CSTF3: variants seen among roughly 807,000 people sequenced by gnomAD.
CSTF3 encodes CF-1 77 kDa subunit.
Under a neutral mutation model 105.8 loss-of-function variants are expected in CSTF3, and 29 were observed. The ratio of observed to expected loss-of-function variants is 0.27; its 90% confidence interval spans 0.20 to 0.37. The LOEUF (loss-of-function observed/expected upper bound fraction) is 0.37. CSTF3 is among the 10% of genes least tolerant of loss of function. CSTF3 has a pLI of 1.00. For missense variants in CSTF3, 357 were observed against 879.3 expected, an observed-to-expected ratio of 0.41 and a Z score of 7.51; for synonymous variants, 252 against 281.9, an observed-to-expected ratio of 0.89 and a Z score of 1.06.
intron 1 of CSTF3, among the ~76,000 whole-genome samples, chr11:33,157,051 T>TA (rs145010861): frequency 0.017 from 2,563 of 151,002 alleles, 82 homozygotes; most frequent in African/African-American, 0.059. Flanking sequence ...AATCAGGCAT[T>TA]AAAAAAAACA....
chr11:33,155,074 G>C (rs1170503690), intron 1 of CSTF3, among the ~76,000 whole-genome samples: 3 of 151,878 alleles, frequency 2.0e-5, no homozygotes, highest in Non-Finnish European at 4.4e-5. Flanking sequence ...AAAAGATCTT[G>C]GGCCGGGCAT....
At chr11:33,127,622 T>C (rs1855556678) in intron 3 of CSTF3, among the ~76,000 whole-genome samples, 1 of 152,140 alleles carries the variant, frequency 6.6e-6, no homozygotes, top group Admixed American at 6.5e-5. Flanking sequence ...CTGCCAACGT[T>C]TTTGAGTTTT....
At chr11:33,103,396 T>C (rs902310304) in intron 8 of CSTF3, among the ~76,000 whole-genome samples, 1 of 152,214 alleles carries the variant, frequency 6.6e-6, no homozygotes, top group Non-Finnish European at 1.5e-5. Flanking sequence ...TTATGTCTTA[T>C]GAGCTGGCAG....
chr11:33,103,483 G>GA lies in CSTF3; in HGVS notation c.586-300dup, dbSNP rs199637917. ...CAATAATTTCATATAAGATTCTACT[G>GA]AAAAAAAAATGACATGGCTCATGCC... On this transcript the variant is annotated intron_variant, in intron 8 of 20. Transcript: ENST00000323959. 6.9e-3 allele frequency among the ~76,000 whole-genome samples: 1,032 copies of GA among 150,604 alleles called. 6 individuals are homozygous for GA. Among genetic ancestry groups the GA allele is most frequent in the Non-Finnish European group, 0.012 (828 of 67,556 alleles).
At chr11:33,141,387 T>TA in intron 3 of CSTF3, 1 of 1,143,820 alleles carries the variant, frequency 8.7e-7, no homozygotes, top group Non-Finnish European at 1.1e-6. Flanking sequence ...CAGGAGGCAA[T>TA]AAATTGACAC....
chr11:33,088,682 G>A (rs879277721), intron 17 of CSTF3, among the ~76,000 whole-genome samples: 2 of 151,886 alleles, frequency 1.3e-5, no homozygotes, highest in Non-Finnish European at 2.9e-5. Context: ...GCTTGATCAC[G>A]GCTCACTAAA....
rs541991069 is a variant in CSTF3 at position 33,125,591 on chromosome 11, C to T, written c.225+16076G>A. ...CCCCATTCTGCTCTACTCAGACGGA[C>T]GCAACTTTTCTCAGTCCCTTACAGG... On this transcript the variant is annotated intron_variant, in intron 3 of 20. Transcript: ENST00000323959. Among the ~76,000 whole-genome samples, 19 of 152,240 alleles carry T rather than the reference C, an allele frequency of 1.2e-4. No homozygotes were observed. The Middle Eastern group carries it at 0.01, about 82-fold the overall frequency.
chr11:33,152,014 T>C (rs1849789463), intron 1 of CSTF3, among the ~76,000 whole-genome samples: 2 of 152,190 alleles, frequency 1.3e-5, no homozygotes, highest in African/African-American at 4.8e-5. Flanking sequence ...TCTGTTCAAA[T>C]ATTTTGCCCA....
At chr11:33,129,235 G>T (rs1855574019) in intron 3 of CSTF3, among the ~76,000 whole-genome samples, 1 of 152,074 alleles carries the variant, frequency 6.6e-6, no homozygotes. Flanking sequence ...GGGGTTACAG[G>T]TGCACACCAC....
intron 16 of CSTF3, among the ~76,000 whole-genome samples, chr11:33,091,448 T>TA (rs1454243314): frequency 1.2e-4 from 18 of 152,304 alleles, no homozygotes; most frequent in Admixed American, 3.9e-4. Flanking sequence ...TGAAGATTGG[T>TA]ATAGCTATGA....
chr11:33,099,568 C>T lies in CSTF3; in HGVS notation c.936+40G>A, dbSNP rs1250512290. On this transcript the variant is annotated intron_variant, in intron 11 of 20. Coordinates refer to ENST00000323959, the MANE Select transcript of CSTF3 (RefSeq NM_001326.3). This position sits in a 1 kb window ranked among gnomAD's most constrained non-coding sequence, Gnocchi z 4.1. ...CAGTAAATAATTGCTATATCAAAAC[C>T]ACAAAAATATCAAAGTGGGGATAGG... 7.4e-7 allele frequency: 1 copy of T among 1,353,454 alleles called. No homozygotes were observed. The highest frequency in any genetic ancestry group is 1.0e-6 in the Non-Finnish European group (1 of 965,312). The allele number at this position is 1,353,454 out of a possible 1,614,324, so 83.8% of individuals were successfully genotyped here.
chr11:33,134,396 C>T (rs1855631669), intron 3 of CSTF3: 1 of 152,074 alleles, frequency 6.6e-6, no homozygotes, highest in Non-Finnish European at 1.5e-5. Flanking sequence ...ACCCCAAATA[C>T]GGGAAGCACA....
intron 1 of CSTF3, chr11:33,156,811 G>A: frequency 2.6e-6 from 1 of 385,314 alleles, no homozygotes; most frequent in Non-Finnish European, 5.1e-6. Flanking sequence ...TACCTAAATA[G>A]TAAATAAATA....
At chr11:33,089,648 T>C (rs1188385212) in intron 17 of CSTF3, among the ~76,000 whole-genome samples, 2 of 152,196 alleles carry the variant, frequency 1.3e-5, no homozygotes. Context: ...AGGGCTTCCA[T>C]TAACAAAAAT....
intron 1 of CSTF3, among the ~76,000 whole-genome samples, chr11:33,143,497 C>G (rs1855738921): frequency 6.6e-6 from 1 of 152,178 alleles, no homozygotes; most frequent in Admixed American, 6.6e-5. Context: ...CATCTACAAT[C>G]CCAGCACTTT....
intron 3 of CSTF3, among the ~76,000 whole-genome samples, chr11:33,123,462 T>C (rs1393423405): frequency 6.6e-6 from 1 of 151,970 alleles, no homozygotes; most frequent in African/African-American, 2.4e-5. Context: ...AAATAGAAAA[T>C]TCAAATAAAC....
At chr11:33,158,913 G>C (rs1849900493) in intron 1 of CSTF3, among the ~76,000 whole-genome samples, 1 of 152,048 alleles carries the variant, frequency 6.6e-6, no homozygotes, top group African/African-American at 2.4e-5. Flanking sequence ...AACAGCCCCA[G>C]GGGAGAAGAA....
intron 1 of CSTF3, among the ~76,000 whole-genome samples, chr11:33,158,539 A>G (rs536949022): frequency 6.6e-5 from 10 of 152,304 alleles, no homozygotes; most frequent in African/African-American, 2.4e-4. Flanking sequence ...ATTGATAACT[A>G]GGTATAAGGT....
intron 16 of CSTF3, 152 bp downstream of exon 16, chr11:33,092,119 T>A (rs893466028): frequency 5.6e-6 from 3 of 531,066 alleles, no homozygotes; most frequent in Non-Finnish European, 9.9e-6. Context: ...TAAACAGGTA[T>A]AAAAGTACTG....
Sources: gnomAD v4.1 joint callset for allele counts (sites outside exome capture counted in the v4.1 genomes callset) on GRCh38, gnomAD v4.1.1 for gene constraint, Gnocchi (gnomAD v3.1) non-coding constraint, MANE v1.5 for transcripts, NCBI Gene and HGNC (gene_info 2026-07-23, HGNC 2026-07-21) for gene names.